DNAAF4: variants seen among roughly 807,000 people sequenced by gnomAD.
The protein encoded by DNAAF4 is dynein assembly factor 4, axonemal.
A neutral mutation model predicts 51.8 loss-of-function variants in DNAAF4; 43 were observed. That is an observed-to-expected ratio of 0.83 (90% confidence interval 0.65 to 1.07). DNAAF4 has a LOEUF of 1.07. DNAAF4 is among the 50% of genes least tolerant of loss of function. DNAAF4 has a pLI of 0.00. For missense variants in DNAAF4, 581 were observed against 493.0 expected (o/e 1.18, Z -1.69); for synonymous variants, 194 against 165.6 (o/e 1.17, Z -1.32).
chr15:55,452,177 G>A (rs1452076016), intron 5 of DNAAF4, among the ~76,000 whole-genome samples: 1 of 145,160 alleles, frequency 6.9e-6, no homozygotes, highest in Non-Finnish European at 1.5e-5. Flanking sequence ...CAACCTGGGA[G>A]GCAGAGGCTG....
intron 4 of DNAAF4, among the ~76,000 whole-genome samples, chr15:55,470,544 GTTT>G (rs879278282): frequency 7.2e-6 from 1 of 138,560 alleles, no homozygotes. Context: ...GCATGACTGG[GTTT>G]TTTTTTTTTT....
At chr15:55,472,443 C>T (rs1291181721) in intron 4 of DNAAF4, among the ~76,000 whole-genome samples, 2 of 151,798 alleles carry the variant, frequency 1.3e-5, no homozygotes, top group Non-Finnish European at 2.9e-5. Flanking sequence ...CATGGTGAAA[C>T]CCCATCTATA....
intron 3 of DNAAF4, among the ~76,000 whole-genome samples, chr15:55,494,029 T>C (rs967121772): frequency 7.4e-5 from 11 of 149,408 alleles, no homozygotes; most frequent in Admixed American, 6.6e-4. Context: ...GATTTCTTTC[T>C]TGTTTTTTTT....
intron 1 of DNAAF4, among the ~76,000 whole-genome samples, chr15:55,502,117 C>T (rs1220646671): frequency 6.6e-6 from 1 of 152,008 alleles, no homozygotes; most frequent in Non-Finnish European, 1.5e-5. Flanking sequence ...GAAATATGCC[C>T]TTCAGCCAGA....
intron 6 of DNAAF4, among the ~76,000 whole-genome samples, chr15:55,444,857 T>C (rs985166072): frequency 1.3e-5 from 2 of 152,112 alleles, no homozygotes; most frequent in East Asian, 3.9e-4. Flanking sequence ...TGTCTGTTAT[T>C]GGTGTATAAG....
chr15:55,432,362 G>T (rs1310211972), intron 9 of DNAAF4, 135 bp downstream of exon 9: 2 of 580,098 alleles, frequency 3.4e-6, no homozygotes, highest in Non-Finnish European at 5.9e-6. Context: ...ATATACTGCA[G>T]ACATTACTAA....
chr15:55,471,654 C>A (rs1337878683), intron 4 of DNAAF4, among the ~76,000 whole-genome samples: 2 of 151,664 alleles, frequency 1.3e-5, no homozygotes, highest in Admixed American at 6.6e-5. Context: ...GCTGGGACTA[C>A]AGGCACCCAC....
intron 4 of DNAAF4, among the ~76,000 whole-genome samples, chr15:55,487,883 G>A (rs933500651): frequency 1.3e-5 from 2 of 152,142 alleles, no homozygotes; most frequent in African/African-American, 4.8e-5. Context: ...TTTCCAAGAA[G>A]TATAGTCTAT....
chr15:55,425,994 C>G (rs989835446), downstream of DNAAF4, among the ~76,000 whole-genome samples: 1 of 152,184 alleles, frequency 6.6e-6, no homozygotes, highest in Non-Finnish European at 1.5e-5. Flanking sequence ...TATTACTAAT[C>G]AAATCAGACT....
At chr15:55,485,666 TG>T (rs1282940372) in intron 4 of DNAAF4, among the ~76,000 whole-genome samples, 1 of 149,612 alleles carries the variant, frequency 6.7e-6, no homozygotes, top group Non-Finnish European at 1.5e-5. Flanking sequence ...AAGATAGAAG[TG>T]GGTAATGTAC....
At chr15:55,499,563 A>T (rs2058682560) in intron 1 of DNAAF4, among the ~76,000 whole-genome samples, 1 of 152,204 alleles carries the variant, frequency 6.6e-6, no homozygotes, top group African/African-American at 2.4e-5. Context: ...TTTGTTCACA[A>T]CACATACCAG....
chr15:55,471,500 G>A (rs1418490711), intron 4 of DNAAF4, among the ~76,000 whole-genome samples: 2 of 151,628 alleles, frequency 1.3e-5, no homozygotes, highest in African/African-American at 2.4e-5. Context: ...ATAAAGAGAT[G>A]GACAAATGTT....
downstream of DNAAF4, among the ~76,000 whole-genome samples, chr15:55,429,613 T>C (rs1360283663): frequency 6.6e-6 from 1 of 151,546 alleles, no homozygotes; most frequent in Non-Finnish European, 1.5e-5. Flanking sequence ...ATCAGGAGAT[T>C]GAGACCATCC....
At chr15:55,477,976 A>G (rs1304943016) in intron 4 of DNAAF4, among the ~76,000 whole-genome samples, 1 of 152,114 alleles carries the variant, frequency 6.6e-6, no homozygotes, top group Admixed American at 6.6e-5. Context: ...TGGAGGACTG[A>G]CTGCCCCAGC....
intron 4 of DNAAF4, among the ~76,000 whole-genome samples, chr15:55,468,573 C>T (rs2058202992): frequency 6.6e-6 from 1 of 152,124 alleles, no homozygotes. Flanking sequence ...GAGAGGAAGC[C>T]ACAACCTAAA....
At chr15:55,431,072 C>A (rs1188233612) in intron 9 of DNAAF4, among the ~76,000 whole-genome samples, 3 of 151,916 alleles carry the variant, frequency 2.0e-5, no homozygotes, top group African/African-American at 7.3e-5. Context: ...TGCCACCACA[C>A]CTGGCTAATT....
At chr15:55,462,230 T>C (rs1205223480) in intron 5 of DNAAF4, among the ~76,000 whole-genome samples, 1 of 152,082 alleles carries the variant, frequency 6.6e-6, no homozygotes, top group Non-Finnish European at 1.5e-5. Flanking sequence ...CTTGTTCTCT[T>C]GCCCCCAGGC....
At chr15:55,427,066 T>TTG (rs2057436950), downstream of DNAAF4, among the ~76,000 whole-genome samples, 1 of 152,132 alleles carries the variant, frequency 6.6e-6, no homozygotes, top group African/African-American at 2.4e-5. Context: ...TTTTGTTTTT[T>TTG]TTTGTTTGTT....
chr15:55,452,754 C>A lies in DNAAF4; in HGVS notation c.638-2387G>T, dbSNP rs548090765. On this transcript the variant is annotated intron_variant, in intron 5 of 9. Coordinates refer to ENST00000321149, the MANE Select transcript of DNAAF4 (RefSeq NM_130810.4). Reference sequence around the variant, plus strand: ...GTAAAGGAAATGCTTCATCATCGAACTTAAAGCCAGGGTCATCTCAAAAGC... The same window carrying A: ...GTAAAGGAAATGCTTCATCATCGAAATTAAAGCCAGGGTCATCTCAAAAGC... Among the ~76,000 whole-genome samples the A allele has an allele frequency of 6.6e-5, 10 of 152,284 alleles. No individual in the cohort carries two copies. The South Asian group carries it at 1.4e-3, about 22-fold the overall frequency.
Sources: allele counts gnomAD v4.1 joint callset (sites outside exome capture counted in the v4.1 genomes callset), GRCh38; gene constraint gnomAD v4.1.1; transcripts MANE v1.5; gene names NCBI Gene and HGNC (gene_info 2026-07-23, HGNC 2026-07-21).